Variants in MELK observed in about 807,000 individuals in gnomAD.
MELK encodes the protein maternal embryonic leucine zipper kinase, also known as pEg3 kinase.
In MELK, 81 loss-of-function variants were observed where a neutral mutation model predicts 85.0. That is an observed-to-expected ratio of 0.95 (90% CI 0.80 to 1.15). The LOEUF (loss-of-function observed/expected upper bound fraction) is 1.15, where lower values mean the gene tolerates loss of function less well. Among genes scored for constraint, MELK ranks in the 50% most tolerant of loss-of-function variants. The pLI, the probability that MELK is intolerant of heterozygous loss-of-function variation, is 0.00. For synonymous variants in MELK, 252 were observed against 265.0 expected, an observed-to-expected ratio of 0.95 and a Z score of 0.48; for missense variants, 754 against 777.5, an observed-to-expected ratio of 0.97 and a Z score of 0.36.
intron 8 of MELK, among the ~76,000 whole-genome samples, chr9:36,617,090 A>G (rs1826908871): frequency 6.6e-6 from 1 of 152,182 alleles, no homozygotes; most frequent in Non-Finnish European, 1.5e-5. Flanking sequence ...GAAAATTTCT[A>G]GAACAGTTGG....
intron 7 of MELK, among the ~76,000 whole-genome samples, chr9:36,604,725 C>T (rs1021527770): frequency 1.1e-4 from 16 of 151,910 alleles, no homozygotes. Context: ...CTCACTGCAA[C>T]CTCCACCTCC....
intron 1 of MELK, among the ~76,000 whole-genome samples, chr9:36,573,601 G>A (rs1412204303): frequency 2.6e-5 from 4 of 152,166 alleles, no homozygotes; most frequent in Admixed American, 2.6e-4. Flanking sequence ...CGCCTCCCAA[G>A]TTCAAGCGAT....
chr9:36,636,778 T>TCTGTCTGTCTGTCTG (rs1564191010), intron 10 of MELK, among the ~76,000 whole-genome samples: 20 of 82,222 alleles, frequency 2.4e-4, no homozygotes, highest in African/African-American at 6.4e-4. Flanking sequence ...CTTTCTTTCT[T>TCTGTCTGTCTGTCTG]TCTTTCTGTC....
At chr9:36,633,081 C>T (rs1168545592) in intron 9 of MELK, 21 bp from the exon 10 acceptor site, 3 of 1,527,452 alleles carry the variant, frequency 2.0e-6, no homozygotes, top group Non-Finnish European at 2.7e-6. Flanking sequence ...TAATCTCTAG[C>T]TACTTTTTAA....
In MELK at chr9:36,677,321, C is replaced by G; in HGVS notation, c.1940C>G (p.Ser647Cys). ...AAAAGATTAGTGGAAGACATCCTAT[C>G]TAGCTGCAAGGTATAATTGATGGAT... ...VYKRLVEDIL[S>C]SCKV Residue 647 changes from serine to cysteine, a missense_variant, in exon 18 of 18, where the codon TCT (serine) becomes TGT (cysteine). Physicochemically the swap from Ser to Cys is moderately radical, Grantham distance 112 (BLOSUM62 -1). Coordinates refer to ENST00000298048, the MANE Select transcript of MELK (RefSeq NM_014791.4). 6.2e-7 allele frequency: 1 copy of G among 1,612,784 alleles called. No homozygotes were observed. The highest frequency in any genetic ancestry group is 8.5e-7 in the Non-Finnish European group (1 of 1,179,318).
intron 15 of MELK, 98 bp from the exon 16 acceptor site, chr9:36,670,900 G>GC (rs1832823563): frequency 8.1e-7 from 1 of 1,231,880 alleles, no homozygotes; most frequent in Admixed American, 2.8e-5. Context: ...CCTGAGTGAG[G>GC]CATCCTAATG....
At chr9:36,604,793 A>C (rs1403964826) in intron 7 of MELK, among the ~76,000 whole-genome samples, 1 of 151,830 alleles carries the variant, frequency 6.6e-6, no homozygotes, top group African/African-American at 2.4e-5. Context: ...ATAGGCATGT[A>C]CCACGCCGCC....
chr9:36,623,951 T>TCAG (rs1827686264), intron 8 of MELK, among the ~76,000 whole-genome samples: 1 of 152,230 alleles, frequency 6.6e-6, no homozygotes, highest in African/African-American at 2.4e-5. Context: ...AGTAATAGTA[T>TCAG]CAGCAGCAGC....
chr9:36,600,532 C>T (rs1824808880), intron 7 of MELK, among the ~76,000 whole-genome samples: 1 of 152,118 alleles, frequency 6.6e-6, no homozygotes, highest in Admixed American at 6.6e-5. Context: ...TACACGCGTC[C>T]GCCACCACGC....
At chr9:36,608,865 G>C (rs564314717) in intron 8 of MELK, among the ~76,000 whole-genome samples, 1 of 152,198 alleles carries the variant, frequency 6.6e-6, no homozygotes, top group African/African-American at 2.4e-5. Context: ...TTACAGGCAT[G>C]AGCCACCGCA....
At chr9:36,596,355 A>C (rs1045514798) in intron 5 of MELK, among the ~76,000 whole-genome samples, 1 of 151,828 alleles carries the variant, frequency 6.6e-6, no homozygotes, top group African/African-American at 2.4e-5. Context: ...TCCCGTGTTC[A>C]CGCCATTCTC....
intron 12 of MELK, among the ~76,000 whole-genome samples, chr9:36,653,089 A>G (rs1830872341): frequency 6.6e-6 from 1 of 152,192 alleles, no homozygotes; most frequent in African/African-American, 2.4e-5. Flanking sequence ...GTTATAACCA[A>G]ATTATTTTTC....
chr9:36,607,483 G>T, intron 7 of MELK, 92 bp from the exon 8 acceptor site: 1 of 938,030 alleles, frequency 1.1e-6, no homozygotes, highest in Non-Finnish European at 1.7e-6. Flanking sequence ...TTAGCTTTGC[G>T]ACAATTCTGT....
chr9:36,577,990 T>C (rs1451123160), intron 1 of MELK, among the ~76,000 whole-genome samples: 2 of 152,072 alleles, frequency 1.3e-5, no homozygotes, highest in Non-Finnish European at 2.9e-5. Flanking sequence ...CTTGCTATAT[T>C]GTCCTGGCTT....
chr9:36,586,403 A>G (rs140289857), intron 3 of MELK, among the ~76,000 whole-genome samples: 78 of 152,306 alleles, frequency 5.1e-4, no homozygotes, highest in African/African-American at 1.9e-3. Flanking sequence ...ATGTCATTAA[A>G]TCATTTGAAT....
chr9:36,643,998 T>C (rs897003389), intron 11 of MELK, among the ~76,000 whole-genome samples: 1 of 152,102 alleles, frequency 6.6e-6, no homozygotes, highest in Non-Finnish European at 1.5e-5. Context: ...AGTTCTAATT[T>C]TGACTACTTT....
intron 12 of MELK, among the ~76,000 whole-genome samples, chr9:36,654,349 C>T (rs1452082381): frequency 4.6e-4 from 39 of 84,132 alleles, no homozygotes; most frequent in Admixed American, 7.2e-4. Context: ...ATTGGATTGT[C>T]TTTTTTTTTT....
chr9:36,660,413 G>C (rs1449157472), intron 13 of MELK, among the ~76,000 whole-genome samples: 1 of 151,464 alleles, frequency 6.6e-6, no homozygotes, highest in East Asian at 2.0e-4. Flanking sequence ...GACCTCCTGG[G>C]CTTAAGCAAT....
chr9:36,631,518 G>A (rs190052868), intron 9 of MELK, among the ~76,000 whole-genome samples: 104 of 151,638 alleles, frequency 6.9e-4, no homozygotes, highest in African/African-American at 2.4e-3. Flanking sequence ...CACCCGCCTT[G>A]GCCTCCCAAA....
Sources: gnomAD v4.1 joint callset for allele counts (sites outside exome capture counted in the v4.1 genomes callset) on GRCh38, gnomAD v4.1.1 for gene constraint, MANE v1.5 for transcripts, NCBI Gene and HGNC (gene_info 2026-07-23, HGNC 2026-07-21) for gene names.